PYHIN1: variants seen among roughly 807,000 people sequenced by gnomAD.
PYHIN1 encodes the protein pyrin and HIN domain-containing protein 1.
In PYHIN1, 32 loss-of-function variants were observed where a neutral mutation model predicts 43.7. The observed-to-expected ratio is 0.73, with a 90% CI of 0.55 to 0.98. PYHIN1 has a LOEUF of 0.98. PYHIN1 is among the 50% of genes least tolerant of loss of function. The probability of loss-of-function intolerance (pLI) is 0.00; values close to 1 mark genes in which losing one functional copy is unlikely to be tolerated. For missense variants in PYHIN1, 588 were observed against 589.5 expected (o/e 1.00, Z 0.03); for synonymous variants, 205 against 203.1 (o/e 1.01, Z -0.08).
chr1:158,986,447 G>C, the PYHIN1 span, among the ~76,000 whole-genome samples: 1 of 151,990 alleles, frequency 6.6e-6, no homozygotes, highest in East Asian at 1.9e-4. Flanking sequence ...CTTTTTTTCT[G>C]ACCACTTGAG....
intron 4 of PYHIN1, among the ~76,000 whole-genome samples, chr1:158,941,524 T>C (rs1392358971): frequency 6.6e-6 from 1 of 152,232 alleles, no homozygotes; most frequent in African/African-American, 2.4e-5. Context: ...CCTGTCTACA[T>C]TGGTAATAAC....
intron 4 of PYHIN1, 133 bp downstream of exon 4, chr1:158,939,380 AT>A (rs1557824720): frequency 6.3e-7 from 1 of 1,593,554 alleles, no homozygotes; most frequent in Admixed American, 1.8e-5. Flanking sequence ...AATTCACTGC[AT>A]TTTAATCTTT....
intron 7 of PYHIN1, among the ~76,000 whole-genome samples, chr1:158,971,283 T>A (rs1650916163): frequency 6.6e-6 from 1 of 151,980 alleles, no homozygotes. Flanking sequence ...GATTTGATAT[T>A]GGAAGTAGAA....
chr1:158,932,721 G>T (rs1648235609), intron 1 of PYHIN1, among the ~76,000 whole-genome samples: 1 of 152,126 alleles, frequency 6.6e-6, no homozygotes, highest in African/African-American at 2.4e-5. Flanking sequence ...ATTTTCATAA[G>T]TATGTTTAAC....
At chr1:158,961,797 C>T (rs1356647131) in intron 7 of PYHIN1, among the ~76,000 whole-genome samples, 2 of 152,144 alleles carry the variant, frequency 1.3e-5, no homozygotes, top group Non-Finnish European at 2.9e-5. Context: ...TACAAGGAAC[C>T]CTTGGAGCCT....
intron 7 of PYHIN1, among the ~76,000 whole-genome samples, chr1:158,960,711 T>A (rs856071): frequency 0.81 from 122,716 of 152,166 alleles, 50,719 homozygotes; most frequent in East Asian, 0.99. Flanking sequence ...TCTTATGTTA[T>A]GTTAACCTAA....
downstream of PYHIN1, among the ~76,000 whole-genome samples, chr1:158,977,375 C>A (rs546393237): frequency 3.6e-4 from 55 of 152,244 alleles, 1 homozygote; most frequent in African/African-American, 1.3e-3. Context: ...CCAAACCAGG[C>A]ACTTTCTGGT....
chr1:158,987,944 C>T, the PYHIN1 span, among the ~76,000 whole-genome samples: 20,010 of 152,140 alleles, frequency 0.13, 1,466 homozygotes, highest in African/African-American at 0.17. Flanking sequence ...CAGAGAAGGA[C>T]ATACTATGGA....
At chr1:158,985,108 A>G in the PYHIN1 span, among the ~76,000 whole-genome samples, 1 of 152,048 alleles carries the variant, frequency 6.6e-6, no homozygotes, top group East Asian at 1.9e-4. Flanking sequence ...TCTTTATCCA[A>G]CTTACCATTC....
At chr1:158,983,565 C>T in the PYHIN1 span, among the ~76,000 whole-genome samples, 1 of 151,916 alleles carries the variant, frequency 6.6e-6, no homozygotes, top group Non-Finnish European at 1.5e-5. Flanking sequence ...AGGACTTTTG[C>T]ATCAATATTT....
intron 7 of PYHIN1, among the ~76,000 whole-genome samples, chr1:158,958,534 C>G (rs987579303): frequency 1.4e-5 from 2 of 142,882 alleles, no homozygotes; most frequent in African/African-American, 5.3e-5. Flanking sequence ...CATATTCTCA[C>G]TCATAGGTAG....
Position 158,933,899 on chromosome 1 carries a change from A to AT in PYHIN1, c.-21+2132dup, listed in dbSNP as rs894566967. Among the ~76,000 whole-genome samples the AT allele has an allele frequency of 5.3e-5, 8 of 151,520 alleles. No individual in the cohort carries two copies. Among genetic ancestry groups the AT allele is most frequent in the East Asian group, 1.9e-4 (1 of 5,188 alleles). ...GTCTTTTGGCCTGCAGCTTTTTAAA[A>AT]TTTTTTTTTAATTTTCTATTGAAAA... On this transcript the variant is annotated intron_variant, in intron 1 of 8. Transcript: ENST00000368140. The surrounding 1 kb of genome is among the most constrained non-coding windows in gnomAD (Gnocchi z 6.3).
At chr1:158,958,761 A>G (rs1158988144) in intron 7 of PYHIN1, among the ~76,000 whole-genome samples, 1 of 97,866 alleles carries the variant, frequency 1.0e-5, no homozygotes, top group Non-Finnish European at 2.2e-5. Flanking sequence ...TATAATAAAA[A>G]AAAAGAAAAG....
chr1:158,971,578 G>A (rs1317659278), intron 7 of PYHIN1, among the ~76,000 whole-genome samples: 2 of 151,972 alleles, frequency 1.3e-5, no homozygotes, highest in African/African-American at 2.4e-5. Context: ...TTCAGAGAGT[G>A]CTGATAGCAA....
At chr1:158,979,640 G>A (rs856134), downstream of PYHIN1, among the ~76,000 whole-genome samples, 133,368 of 152,160 alleles carry the variant, frequency 0.88, 59,946 homozygotes, top group Middle Eastern at 0.98. Flanking sequence ...ACATGGGAGC[G>A]CTAGTAATAT....
chr1:158,939,541 C>A (rs1194665308), intron 4 of PYHIN1: 2 of 1,545,654 alleles, frequency 1.3e-6, no homozygotes, highest in African/African-American at 1.4e-5. Context: ...CTATTATACA[C>A]CCATTCCCTT....
chr1:158,976,650 T>C (rs1174339415), intron 8 of PYHIN1, 51 bp from the exon 9 acceptor site: 3 of 1,448,392 alleles, frequency 2.1e-6, no homozygotes, highest in African/African-American at 1.4e-5. Context: ...GAAAGAAATG[T>C]ATGACTCCCT....
intron 4 of PYHIN1, among the ~76,000 whole-genome samples, chr1:158,941,557 T>C (rs1376590742): frequency 1.3e-5 from 2 of 152,330 alleles, no homozygotes; most frequent in African/African-American, 2.4e-5. Context: ...ATGTATGTGG[T>C]TTGTGGTGGA....
intron 7 of PYHIN1, among the ~76,000 whole-genome samples, chr1:158,954,879 TA>T (rs1296712448): frequency 6.7e-6 from 1 of 149,720 alleles, no homozygotes; most frequent in Non-Finnish European, 1.5e-5. Flanking sequence ...GAGACACACA[TA>T]GGCTCAAAAT....
Sources: gnomAD v4.1 joint callset for allele counts (sites outside exome capture counted in the v4.1 genomes callset) on GRCh38, gnomAD v4.1.1 for gene constraint, Gnocchi (gnomAD v3.1) non-coding constraint, MANE v1.5 for transcripts, NCBI Gene and HGNC (gene_info 2026-07-23, HGNC 2026-07-21) for gene names.